Variants in MBTD1 observed in about 807,000 individuals in gnomAD.
MBTD1 encodes the protein mbt domain containing 1.
MBTD1 carries 24 observed loss-of-function variants against 87.8 expected under a neutral mutation model. That is an observed-to-expected ratio of 0.27 (90% CI 0.20 to 0.38). The LOEUF (loss-of-function observed/expected upper bound fraction) is 0.38, where lower values mean the gene tolerates loss of function less well. Among genes scored for constraint, MBTD1 ranks in the 10% least tolerant of loss-of-function variants. The pLI is 1.00. For missense variants in MBTD1, 436 were observed against 760.2 expected (o/e 0.57, Z 5.02); for synonymous variants, 237 against 248.6 (o/e 0.95, Z 0.44).
chr17:51,232,501 G>A (rs1397950479), intron 2 of MBTD1, among the ~76,000 whole-genome samples: 1 of 151,856 alleles, frequency 6.6e-6, no homozygotes, highest in Non-Finnish European at 1.5e-5. Flanking sequence ...TGAAAAATAA[G>A]CAATATAAAA....
intron 16 of MBTD1, among the ~76,000 whole-genome samples, chr17:51,188,651 G>C (rs957620709): frequency 1.2e-4 from 18 of 151,058 alleles, no homozygotes; most frequent in African/African-American, 3.6e-4. Flanking sequence ...AAACTGCTGA[G>C]TAATAGAAAA....
intron 2 of MBTD1, among the ~76,000 whole-genome samples, chr17:51,252,179 T>A (rs960281665): frequency 6.6e-6 from 1 of 152,208 alleles, no homozygotes; most frequent in Admixed American, 6.5e-5. Flanking sequence ...CATTTAAACC[T>A]TATGAGTGTC....
chr17:51,201,755 A>T, intron 11 of MBTD1, 59 bp from the exon 12 acceptor site: 1 of 1,149,506 alleles, frequency 8.7e-7, no homozygotes, highest in Non-Finnish European at 1.3e-6. Flanking sequence ...TGATAATTAA[A>T]ATATTACCAA....
At chr17:51,258,598 G>A (rs2055235550) in intron 2 of MBTD1, among the ~76,000 whole-genome samples, 1 of 152,084 alleles carries the variant, frequency 6.6e-6, no homozygotes, top group Admixed American at 6.5e-5. Flanking sequence ...ACGGGTGTGG[G>A]CGGTAATCAT....
At chr17:51,232,104 T>C (rs1287595218) in intron 2 of MBTD1, among the ~76,000 whole-genome samples, 1 of 152,100 alleles carries the variant, frequency 6.6e-6, no homozygotes, top group Admixed American at 6.6e-5. Context: ...ACGCTCTCGG[T>C]GAAGAGGCTT....
At chr17:51,224,974 A>C in intron 3 of MBTD1, 34 bp downstream of exon 3, 1 of 1,373,676 alleles carries the variant, frequency 7.3e-7, no homozygotes, top group Non-Finnish European at 9.8e-7. Flanking sequence ...TTAAACATAA[A>C]GCTGTAGAAC....
intron 13 of MBTD1, 103 bp from the exon 14 acceptor site, chr17:51,193,613 A>AT: frequency 1.4e-6 from 1 of 698,002 alleles, no homozygotes; most frequent in Non-Finnish European, 2.6e-6. Flanking sequence ...AGCATAGGTT[A>AT]TATGATCAAC....
chr17:51,187,616 G>A (rs2050598587), intron 16 of MBTD1, among the ~76,000 whole-genome samples: 4 of 152,004 alleles, frequency 2.6e-5, no homozygotes, highest in African/African-American at 4.8e-5. Flanking sequence ...TTGGGAGGCC[G>A]AGGCAGGTGG....
At chr17:51,222,289 A>G (rs942363815) in intron 3 of MBTD1, among the ~76,000 whole-genome samples, 1 of 152,258 alleles carries the variant, frequency 6.6e-6, no homozygotes, top group Non-Finnish European at 1.5e-5. Flanking sequence ...TAATCAAACC[A>G]TGGCAAGAAT....
intron 2 of MBTD1, among the ~76,000 whole-genome samples, chr17:51,239,681 G>A (rs929622414): frequency 2.3e-4 from 35 of 152,010 alleles, no homozygotes; most frequent in Non-Finnish European, 2.4e-4. Flanking sequence ...ATTTGTGGCA[G>A]TAACACTCGC....
At chr17:51,198,851 G>A (rs992219179) in intron 12 of MBTD1, among the ~76,000 whole-genome samples, 8 of 152,074 alleles carry the variant, frequency 5.3e-5, no homozygotes, top group Admixed American at 2.0e-4. Flanking sequence ...TGCCTAGGCC[G>A]AAGTGCAGTG....
rs118182123 is a variant in MBTD1, at chr17:51,199,224, A to T, written c.1224+2368T>A. On this transcript the variant is annotated intron_variant, in intron 12 of 16. Transcript: ENST00000586178. ...AGCATTCTCCTGCCTCAGCCTCCCA[A>T]GAACTGGGATTACAGGTGCCTGGCC... Among the ~76,000 whole-genome samples, 544 of 151,894 alleles carry T rather than the reference A, an allele frequency of 3.6e-3. 24 individuals are homozygous for T. The East Asian group carries it at 0.088, about 25-fold the overall frequency.
In MBTD1 at chr17:51,179,533, T is replaced by TATATATAC. The variant is rs2050232260; in HGVS notation, c.*1042_*1043insGTATATAT. ...ATATATATATATATATATATATATA[T>TATATATAC]ATATGGAATTTTAAGAAAATTAAAT... On this transcript the variant is annotated 3_prime_UTR_variant, in exon 17 of 17. Transcript: ENST00000586178. 9.3e-6 allele frequency: 1 copy of TATATATAC among 108,022 alleles called. No individual in the cohort carries two copies. Among genetic ancestry groups the TATATATAC allele is most frequent in the South Asian group, 3.1e-4 (1 of 3,264 alleles). 6.7% of individuals were successfully genotyped at this position (108,022 alleles called of 1,614,324 possible).
chr17:51,205,893 G>T (rs2051793782), intron 7 of MBTD1, among the ~76,000 whole-genome samples: 1 of 152,156 alleles, frequency 6.6e-6, no homozygotes. Context: ...GAGAATGCCG[G>T]AAATAAAACT....
At chr17:51,196,382 C>A (rs2051106288) in intron 12 of MBTD1, among the ~76,000 whole-genome samples, 1 of 151,734 alleles carries the variant, frequency 6.6e-6, no homozygotes, top group Non-Finnish European at 1.5e-5. Context: ...GGCCACCACG[C>A]CCAGCTAATT....
chr17:51,248,466 C>G (rs190188874), intron 2 of MBTD1, among the ~76,000 whole-genome samples: 1 of 152,292 alleles, frequency 6.6e-6, no homozygotes, highest in East Asian at 1.9e-4. Context: ...AAAATTAAGG[C>G]ATACTGTTGA....
chr17:51,223,284 G>A (rs2053017835), intron 3 of MBTD1, among the ~76,000 whole-genome samples: 1 of 151,880 alleles, frequency 6.6e-6, no homozygotes, highest in South Asian at 2.1e-4. Flanking sequence ...TGTAATCCCA[G>A]CACTTTGGGA....
At chr17:51,232,036 ATGAG>A (rs1227981295) in intron 2 of MBTD1, among the ~76,000 whole-genome samples, 3 of 152,034 alleles carry the variant, frequency 2.0e-5, no homozygotes, top group Non-Finnish European at 4.4e-5. Flanking sequence ...CATTAAAAGG[ATGAG>A]TGAGAAAGAA....
chr17:51,220,630 G>A (rs1431960320), intron 3 of MBTD1, among the ~76,000 whole-genome samples, 167 bp from the exon 4 acceptor site: 1 of 152,214 alleles, frequency 6.6e-6, no homozygotes, highest in Non-Finnish European at 1.5e-5. Flanking sequence ...GCACAGAGAA[G>A]TCAGAGAGAA....
Sources: gnomAD v4.1 joint callset for allele counts (sites outside exome capture counted in the v4.1 genomes callset) on GRCh38, gnomAD v4.1.1 for gene constraint, MANE v1.5 for transcripts, NCBI Gene and HGNC (gene_info 2026-07-23, HGNC 2026-07-21) for gene names.